RALGPS2: variants seen among roughly 807,000 people sequenced by gnomAD.
RALGPS2 encodes ras-specific guanine nucleotide-releasing factor RalGPS2.
RALGPS2 carries 43 observed loss-of-function variants against 86.8 expected under a neutral mutation model. The observed-to-expected ratio is 0.50, with a 90% confidence interval of 0.39 to 0.64. The LOEUF is 0.64. RALGPS2 is among the 30% of genes least tolerant of loss of function. RALGPS2 has a pLI of 0.00. For missense variants in RALGPS2, 536 were observed against 694.6 expected (o/e 0.77, Z 2.57); for synonymous variants, 243 against 231.3 (o/e 1.05, Z -0.46).
chr1:178,779,685 G>A (rs1248447140), intron 2 of RALGPS2, among the ~76,000 whole-genome samples: 3 of 152,310 alleles, frequency 2.0e-5, no homozygotes, highest in East Asian at 3.9e-4. Flanking sequence ...TAGGTTAATA[G>A]CATCACATTT....
At chr1:178,906,754 C>T (rs1572472081) in intron 18 of RALGPS2, 22 bp from the exon 19 acceptor site, 1 of 1,572,198 alleles carries the variant, frequency 6.4e-7, no homozygotes, top group East Asian at 2.3e-5. Context: ...TAATATTTCC[C>T]CCTTATTTTG....
At chr1:178,871,737 C>G (rs1658770566) in intron 8 of RALGPS2, among the ~76,000 whole-genome samples, 1 of 152,138 alleles carries the variant, frequency 6.6e-6, no homozygotes, top group Admixed American at 6.5e-5. Flanking sequence ...CCTCTCCTCT[C>G]TGTAAAAGGT....
At chr1:178,741,410 T>C (rs545456832) in intron 1 of RALGPS2, among the ~76,000 whole-genome samples, 1 of 152,332 alleles carries the variant, frequency 6.6e-6, no homozygotes, top group Non-Finnish European at 1.5e-5. Flanking sequence ...ATCTAATTCC[T>C]TTTCAATTCT....
At chr1:178,791,560 T>C (rs1198071116) in intron 4 of RALGPS2, among the ~76,000 whole-genome samples, 1 of 152,242 alleles carries the variant, frequency 6.6e-6, no homozygotes, top group African/African-American at 2.4e-5. Flanking sequence ...CTGTGTGGTA[T>C]AGTGATTTTA....
At chr1:178,894,127 T>G in intron 16 of RALGPS2, 103 bp downstream of exon 16, 1 of 675,836 alleles carries the variant, frequency 1.5e-6, no homozygotes, top group Non-Finnish European at 2.4e-6. Context: ...CTGATTATAG[T>G]AGACTTGAAA....
intron 8 of RALGPS2, among the ~76,000 whole-genome samples, chr1:178,855,088 TAAC>T (rs1657439512): frequency 6.6e-6 from 1 of 152,134 alleles, no homozygotes; most frequent in Non-Finnish European, 1.5e-5. Flanking sequence ...GTAAAGTTCT[TAAC>T]AAGAATTTCT....
chr1:178,782,189 T>TG (rs1653427240), intron 2 of RALGPS2, among the ~76,000 whole-genome samples: 1 of 152,136 alleles, frequency 6.6e-6, no homozygotes, highest in African/African-American at 2.4e-5. Context: ...TAAACCCTAA[T>TG]TGATGAACTG....
chr1:178,783,132 A>G (rs1653474874), intron 2 of RALGPS2, among the ~76,000 whole-genome samples: 1 of 152,210 alleles, frequency 6.6e-6, no homozygotes, highest in African/African-American at 2.4e-5. Context: ...GAACAAATGG[A>G]TAATATAGGC....
At chr1:178,907,711 A>G (rs760088227) in intron 19 of RALGPS2, among the ~76,000 whole-genome samples, 2 of 152,248 alleles carry the variant, frequency 1.3e-5, no homozygotes, top group South Asian at 2.1e-4. Context: ...TTGATAATGC[A>G]GAAGTCTATG....
At chr1:178,765,289 C>A (rs1572301813) in intron 1 of RALGPS2, among the ~76,000 whole-genome samples, 1 of 151,610 alleles carries the variant, frequency 6.6e-6, no homozygotes, top group East Asian at 1.9e-4. Context: ...GTCGGCCAGT[C>A]TGAGAAATAA....
rs533186941 is a variant in RALGPS2 at position 178,736,311 on chromosome 1, A to G, written c.-84+10892A>G. 4.0e-5 allele frequency among the ~76,000 whole-genome samples: 6 copies of G among 151,576 alleles called. No homozygotes were observed. In the South Asian group the frequency reaches 1.3e-3, roughly 32 times the overall value. On this transcript the variant is annotated intron_variant, in intron 1 of 19. Transcript: ENST00000367635. The stretch of plus-strand genomic sequence containing the variant: ...CAAGTAGCTGAGATTACAGGTGCCT[A>G]CCACCATGCCTGGCTAATTCTTGTA...
At chr1:178,904,799 C>CTT (rs1660324210) in intron 18 of RALGPS2, among the ~76,000 whole-genome samples, 1 of 152,110 alleles carries the variant, frequency 6.6e-6, no homozygotes, top group African/African-American at 2.4e-5. Context: ...CAGATTTGTT[C>CTT]TTTTCACTTA....
At chr1:178,816,815 T>G (rs1224420869) in intron 6 of RALGPS2, among the ~76,000 whole-genome samples, 1 of 151,674 alleles carries the variant, frequency 6.6e-6, no homozygotes, top group East Asian at 2.0e-4. Context: ...TTCAAGCGAT[T>G]CTCCTGCCTC....
rs142401714 is a variant in RALGPS2 at position 178,762,250 on chromosome 1, C to T, written c.-83-14432C>T. Among the ~76,000 whole-genome samples the T allele has an allele frequency of 5.0e-3, 759 of 152,230 alleles. 9 individuals are homozygous for T. The highest frequency in any genetic ancestry group is 0.017 in the African/African-American group (727 of 41,544). ...ATATGCCATATTTTCTTTATTCAGT[C>T]TACCGTTAATGGGTATTTAGGTTGA... On this transcript the variant is annotated intron_variant, in intron 1 of 19. Coordinates refer to ENST00000367635, the MANE Select transcript of RALGPS2 (RefSeq NM_152663.5).
At chr1:178,785,297 T>G (rs1653596107) in intron 3 of RALGPS2, among the ~76,000 whole-genome samples, 1 of 152,014 alleles carries the variant, frequency 6.6e-6, no homozygotes, top group Non-Finnish European at 1.5e-5. Context: ...TGATTATAAT[T>G]TAATGTGACT....
intron 8 of RALGPS2, among the ~76,000 whole-genome samples, chr1:178,875,672 C>T (rs1468738499): frequency 6.6e-6 from 1 of 151,782 alleles, no homozygotes. Flanking sequence ...CACTTGAACC[C>T]AGAAGGCAGA....
chr1:178,756,033 C>T (rs1651942331), intron 1 of RALGPS2, among the ~76,000 whole-genome samples: 2 of 151,872 alleles, frequency 1.3e-5, no homozygotes, highest in Non-Finnish European at 2.9e-5. Flanking sequence ...TTTGCTTGTT[C>T]AATTGTTTAC....
chr1:178,727,763 A>G (rs567193398), intron 1 of RALGPS2, among the ~76,000 whole-genome samples: 7 of 152,272 alleles, frequency 4.6e-5, no homozygotes, highest in African/African-American at 1.7e-4. Context: ...CATTCTGCAC[A>G]TGTGTATTGG....
intron 8 of RALGPS2, among the ~76,000 whole-genome samples, chr1:178,862,593 T>TTTAA (rs1553272297): frequency 4.3e-5 from 6 of 140,656 alleles, no homozygotes; most frequent in Non-Finnish European, 7.8e-5. Context: ...GTTGCATTTT[T>TTTAA]TTTATTTATT....
Sources: allele counts gnomAD v4.1 joint callset (sites outside exome capture counted in the v4.1 genomes callset), GRCh38; gene constraint gnomAD v4.1.1; transcripts MANE v1.5; gene names NCBI Gene and HGNC (gene_info 2026-07-23, HGNC 2026-07-21).